The following ARID3A variants were observed in gnomAD, a reference collection of about 807,000 sequenced individuals.
ARID3A encodes AT-rich interactive domain-containing protein 3A.
ARID3A carries 11 observed loss-of-function variants against 52.7 expected under a neutral mutation model. The observed-to-expected ratio is 0.21, with a 90% CI of 0.13 to 0.35. The LOEUF is 0.35. Ranked by LOEUF, ARID3A falls within the 10% of genes least tolerant of loss-of-function variation. The probability of loss-of-function intolerance (pLI) is 1.00; values close to 1 mark genes in which losing one functional copy is unlikely to be tolerated. For missense variants in ARID3A, 721 were observed against 838.5 expected (o/e 0.86, Z 1.73); for synonymous variants, 404 against 359.4 (o/e 1.12, Z -1.40).
chr19:971,175 G>A (rs2038270325), intron 8 of ARID3A, among the ~76,000 whole-genome samples: 2 of 152,192 alleles, frequency 1.3e-5, no homozygotes, highest in African/African-American at 4.8e-5. Flanking sequence ...GGAGTGAGCA[G>A]ACACAGTGGG....
intron 3 of ARID3A, among the ~76,000 whole-genome samples, chr19:949,962 C>T (rs920025452): frequency 7.2e-5 from 11 of 152,158 alleles, no homozygotes; most frequent in African/African-American, 1.4e-4. Flanking sequence ...TGAGTCACCG[C>T]ATCTGGGCTA....
chr19:948,898 A>G (rs1276218420), intron 3 of ARID3A, among the ~76,000 whole-genome samples: 6 of 151,826 alleles, frequency 4.0e-5, no homozygotes, highest in Non-Finnish European at 5.9e-5. Context: ...TAGTAGAGAC[A>G]GGGTTTTGCC....
In ARID3A at chr19:964,496, T is replaced by G; in HGVS notation, c.950+65T>G. The G allele has an allele frequency of 1.3e-6, 2 of 1,489,312 alleles. No homozygotes were observed. The highest frequency in any genetic ancestry group is 1.3e-5 in the South Asian group (1 of 76,288). The allele number at this position is 1,489,312 out of a possible 1,614,324, so 92.3% of individuals were successfully genotyped here. On this transcript the variant is annotated intron_variant, in intron 5 of 8. Transcript: ENST00000263620. The surrounding 1 kb of genome is among the most constrained non-coding windows in gnomAD (Gnocchi z 5.7). ...CTCTGAGCAGCCAGTGCAAGGGGCC[T>G]GCAGAAGAGGGAGGGGGTGGTGGGC... is the stretch of plus-strand genomic sequence containing the variant.
At position 973,954 on chromosome 19, in the gene ARID3A, G is replaced by C. The variant is rs1186144226; in HGVS notation, c.*1889G>C. 1.3e-5 allele frequency: 3 copies of C among 230,984 alleles called. No individual in the cohort carries two copies. Among genetic ancestry groups the C allele is most frequent in the Non-Finnish European group, 1.7e-5 (2 of 116,754 alleles). 14.3% of individuals were successfully genotyped at this position (230,984 alleles called of 1,614,324 possible). On this transcript the variant is annotated 3_prime_UTR_variant, in exon 9 of 9. Coordinates refer to ENST00000263620, the MANE Select transcript of ARID3A (RefSeq NM_005224.3). ...GGCGGGGCTGTCGTGTCCTACACGG[G>C]AGCTCTGGGCTTTCATTTCTCTTGG...
intron 3 of ARID3A, among the ~76,000 whole-genome samples, chr19:940,575 A>G (rs1568360249): frequency 6.6e-6 from 1 of 152,040 alleles, no homozygotes; most frequent in African/African-American, 2.4e-5. Context: ...GCCTGAGAAG[A>G]AGGAGAAGGA....
chr19:955,910 C>T (rs1436782546), intron 3 of ARID3A, among the ~76,000 whole-genome samples: 1 of 152,132 alleles, frequency 6.6e-6, no homozygotes, highest in African/African-American at 2.4e-5. Context: ...GCCCAGAGTC[C>T]AAAATCGAGG....
intron 8 of ARID3A, 42 bp from the exon 9 acceptor site, chr19:971,836 T>A: frequency 1.3e-6 from 2 of 1,562,778 alleles, no homozygotes; most frequent in Non-Finnish European, 1.7e-6. Flanking sequence ...CCTCGCATCT[T>A]CTTAAACTCT....
rs1029689 is a variant in ARID3A at position 964,051 on chromosome 19, T to G, written c.767-197T>G. On this transcript the variant is annotated intron_variant, in intron 4 of 8. Transcript: ENST00000263620. This position sits in a 1 kb window ranked among gnomAD's most constrained non-coding sequence, Gnocchi z 5.7. ...TAAACCGAGGCAGAGCTGCCCCCTC[T>G]GCACCCTCTCGAGCAGAGGTTCCCA... is the stretch of plus-strand genomic sequence containing the variant. Among the ~76,000 whole-genome samples the G allele has an allele frequency of 0.81, 123,336 of 152,182 alleles. 50,346 individuals carry two copies. The highest frequency in any genetic ancestry group is 0.87 in the Non-Finnish European group (58,865 of 67,982).
In ARID3A at chr19:929,765, C is replaced by G. The variant is rs892776617; in HGVS notation, c.237C>G (p.Gly79=). 6.4e-7 allele frequency: 1 copy of G among 1,552,634 alleles called. No homozygotes were observed. The highest frequency in any genetic ancestry group is 8.7e-7 in the Non-Finnish European group (1 of 1,154,700). The change falls in exon 2 of 9, where the codon GGC becomes GGG. Residue 79 remains glycine (G), a synonymous_variant. Transcript: ENST00000263620. The surrounding 1 kb of genome is among the most constrained non-coding windows in gnomAD (Gnocchi z 6.2). ...GCCTGGGACACCCAGCCAGCCCCGG[C>G]GGCTCTGAGGATGGGCCCCCAGGCT... ...AAGLGHPASP[G]GSEDGPPGSE...
chr19:946,091 A>AT (rs2037673288), intron 3 of ARID3A, among the ~76,000 whole-genome samples: 1 of 151,958 alleles, frequency 6.6e-6, no homozygotes, highest in Non-Finnish European at 1.5e-5. Context: ...AGGTGGGAGC[A>AT]TGAGGGCGTA....
chr19:939,516 C>G (rs1333644392), intron 3 of ARID3A, among the ~76,000 whole-genome samples: 1 of 152,296 alleles, frequency 6.6e-6, no homozygotes, highest in Non-Finnish European at 1.5e-5. Context: ...CCTCCCTTGA[C>G]CTCTAGGGCA....
At chr19:939,801 G>A (rs1429613669) in intron 3 of ARID3A, among the ~76,000 whole-genome samples, 1 of 152,110 alleles carries the variant, frequency 6.6e-6, no homozygotes. Flanking sequence ...ATACTGTAAC[G>A]AACATCTTCG....
intron 1 of ARID3A, among the ~76,000 whole-genome samples, chr19:927,098 G>T (rs905466237): frequency 5.3e-4 from 81 of 152,108 alleles, no homozygotes; most frequent in African/African-American, 1.9e-3. Flanking sequence ...CCACCCGCGG[G>T]CCCGGGGCCT....
chr19:928,331 G>C (rs1185025634), intron 1 of ARID3A: 1 of 152,082 alleles, frequency 6.6e-6, no homozygotes, highest in African/African-American at 2.4e-5. Context: ...GGGGTGGCTC[G>C]GGTGGGACCC....
At chr19:965,921 G>A (rs1340773928) in intron 6 of ARID3A, among the ~76,000 whole-genome samples, 1 of 151,348 alleles carries the variant, frequency 6.6e-6, no homozygotes, top group Non-Finnish European at 1.5e-5. Flanking sequence ...GAACCCAGGT[G>A]GCAGAGGTTG....
At chr19:930,730 C>T (rs1016838960) in intron 2 of ARID3A, among the ~76,000 whole-genome samples, 5 of 150,804 alleles carry the variant, frequency 3.3e-5, no homozygotes, top group South Asian at 2.1e-4. Flanking sequence ...AAGATGGTCT[C>T]GATCTCCTGA....
chr19:966,478 A>C, intron 6 of ARID3A, 94 bp from the exon 7 acceptor site: 1 of 1,125,430 alleles, frequency 8.9e-7, no homozygotes, highest in Non-Finnish European at 1.2e-6. Context: ...AAAAAAAAGA[A>C]AAGAAAAGAA....
chr19:956,715 A>AG (rs2037925564), intron 3 of ARID3A: 2 of 152,696 alleles, frequency 1.3e-5, no homozygotes, highest in East Asian at 3.9e-4. Context: ...TCGACCACCC[A>AG]GGGCAGAGGT....
At chr19:952,379 C>T (rs924125543) in intron 3 of ARID3A, among the ~76,000 whole-genome samples, 8 of 128,578 alleles carry the variant, frequency 6.2e-5, no homozygotes, top group African/African-American at 2.3e-4. Context: ...GAGGCTGAGG[C>T]TGCAGTGAGC....
Sources: allele counts gnomAD v4.1 joint callset (sites outside exome capture counted in the v4.1 genomes callset), GRCh38; gene constraint gnomAD v4.1.1; non-coding constraint Gnocchi (gnomAD v3.1); transcripts MANE v1.5; gene names NCBI Gene and HGNC (gene_info 2026-07-23, HGNC 2026-07-21).